IL1RAPL2: variants seen among roughly 807,000 people sequenced by gnomAD.
IL1RAPL2 encodes X-linked interleukin-1 receptor accessory protein-like 2.
IL1RAPL2 carries 3 observed loss-of-function variants against 44.1 expected under a neutral mutation model. The ratio of observed to expected loss-of-function variants is 0.07; its 90% confidence interval spans 0.03 to 0.18. The LOEUF (loss-of-function observed/expected upper bound fraction) is 0.18. Among genes scored for constraint, IL1RAPL2 ranks in the 10% least tolerant of loss-of-function variants. The pLI is 1.00. For synonymous variants in IL1RAPL2, 181 were observed against 178.8 expected, an observed-to-expected ratio of 1.01 and a Z score of -0.10; for missense variants, 391 against 496.4, an observed-to-expected ratio of 0.79 and a Z score of 2.02.
chrX:105,249,415 A>C (rs4645683), intron 4 of IL1RAPL2, among the ~76,000 whole-genome samples: 1 of 111,261 alleles, frequency 9.0e-6, no homozygotes, highest in African/African-American at 3.3e-5. Flanking sequence ...GGAAAAATGA[A>C]TAATACTTAG....
chrX:105,662,800 G>T (rs1431606949), intron 6 of IL1RAPL2, among the ~76,000 whole-genome samples: 3 of 111,780 alleles, frequency 2.7e-5, no homozygotes, highest in African/African-American at 9.8e-5. Context: ...CCATGTAAGT[G>T]AGCCATCTTG....
chrX:105,393,440 A>T (rs1446096334), intron 5 of IL1RAPL2, among the ~76,000 whole-genome samples: 1 of 111,648 alleles, frequency 9.0e-6, no homozygotes, highest in Admixed American at 9.5e-5. Flanking sequence ...GACCTTCAGA[A>T]CAATGGCTTG....
At chrX:104,897,078 C>T (rs1311532517) in intron 2 of IL1RAPL2, among the ~76,000 whole-genome samples, 2 of 112,025 alleles carry the variant, frequency 1.8e-5, no homozygotes, top group East Asian at 5.6e-4. Flanking sequence ...CAGCTTCGTT[C>T]TCGAAGTCAG....
chrX:105,253,889 T>G (rs1386541871), intron 4 of IL1RAPL2, among the ~76,000 whole-genome samples: 1 of 112,056 alleles, frequency 8.9e-6, no homozygotes, highest in African/African-American at 3.2e-5. Flanking sequence ...TGTCATTCTT[T>G]TTTATGTCTG....
intron 2 of IL1RAPL2, among the ~76,000 whole-genome samples, chrX:105,062,218 A>G (rs1017078395): frequency 9.0e-6 from 1 of 111,316 alleles, no homozygotes; most frequent in Non-Finnish European, 1.9e-5. Context: ...ATTTGAGGCT[A>G]CCATAAGACT....
At chrX:105,665,928 A>AATTTTTTGT (rs2147850026) in intron 6 of IL1RAPL2, among the ~76,000 whole-genome samples, 1 of 106,702 alleles carries the variant, frequency 9.4e-6, no homozygotes, top group East Asian at 2.9e-4. Context: ...ACGCCCGGCT[A>AATTTTTTGT]ATTTTTTGTA....
At chrX:104,780,806 A>G (rs984619375) in intron 2 of IL1RAPL2, among the ~76,000 whole-genome samples, 2 of 111,524 alleles carry the variant, frequency 1.8e-5, no homozygotes, top group African/African-American at 6.5e-5. Flanking sequence ...TATTTTGGAA[A>G]CTATTTACCT....
chrX:105,028,635 T>A (rs2031420166), intron 2 of IL1RAPL2, among the ~76,000 whole-genome samples: 1 of 110,660 alleles, frequency 9.0e-6, no homozygotes, highest in Non-Finnish European at 1.9e-5. Flanking sequence ...CTGGAGTGAG[T>A]CAGTGTAGAG....
At chrX:104,735,891 C>T (rs1294667272) in intron 2 of IL1RAPL2, among the ~76,000 whole-genome samples, 1 of 111,556 alleles carries the variant, frequency 9.0e-6, no homozygotes, top group African/African-American at 3.3e-5. Flanking sequence ...GATTTGTGCT[C>T]TCTGCACTAA....
chrX:105,361,878 T>C (rs1443886001), intron 5 of IL1RAPL2, among the ~76,000 whole-genome samples: 1 of 111,877 alleles, frequency 8.9e-6, no homozygotes, highest in Non-Finnish European at 1.9e-5. Context: ...TGTAGAAACC[T>C]GTATTGGCTT....
In IL1RAPL2 at chrX:105,632,057, C is replaced by CT. The variant is rs927024850; in HGVS notation, c.773-85300dup. On this transcript the variant is annotated intron_variant, in intron 6 of 10. Coordinates refer to ENST00000372582, the MANE Select transcript of IL1RAPL2 (RefSeq NM_017416.2). The stretch of plus-strand genomic sequence containing the variant: ...CCCCAGTCCTCTCTTATTCCTTTCC[C>CT]TTTTTTTTTTCTTTTCTGCCTATGC... Among the ~76,000 whole-genome samples the CT allele has an allele frequency of 1.7e-3, 184 of 106,532 alleles. No individual in the cohort carries two copies. The East Asian group carries it at 0.021, about 12-fold the overall frequency. 92.5% of individuals were successfully genotyped at this position (106,532 alleles called of 115,157 possible). A position where few individuals can be genotyped will look rare whatever the true frequency, so the allele number is the denominator to read the frequency against.
At chrX:105,708,607 T>C (rs1490614517) in intron 6 of IL1RAPL2, among the ~76,000 whole-genome samples, 1 of 111,567 alleles carries the variant, frequency 9.0e-6, no homozygotes, top group African/African-American at 3.3e-5. Context: ...ATGACAAAGG[T>C]GACCTCTTTT....
intron 5 of IL1RAPL2, among the ~76,000 whole-genome samples, chrX:105,334,262 A>G (rs182942746): frequency 8.9e-6 from 1 of 112,117 alleles, no homozygotes; most frequent in East Asian, 2.8e-4. Context: ...AGCCAGGCAC[A>G]AAAAGACAGC....
At chrX:104,579,013 AAG>A (rs1417586605) in intron 1 of IL1RAPL2, among the ~76,000 whole-genome samples, 3 of 112,077 alleles carry the variant, frequency 2.7e-5, no homozygotes, top group African/African-American at 6.5e-5. Flanking sequence ...AATATTGACT[AAG>A]AAGCAGAAAT....
chrX:104,732,095 A>G (rs1379528130), intron 2 of IL1RAPL2, among the ~76,000 whole-genome samples: 1 of 112,043 alleles, frequency 8.9e-6, no homozygotes, highest in Non-Finnish European at 1.9e-5. Flanking sequence ...GGGAAATTAG[A>G]AAATATTTAG....
chrX:105,137,024 T>C (rs2033082222), intron 2 of IL1RAPL2, among the ~76,000 whole-genome samples: 1 of 111,700 alleles, frequency 9.0e-6, no homozygotes, highest in Non-Finnish European at 1.9e-5. Context: ...AGGAATGTGG[T>C]ATCTGAGTCA....
At chrX:104,625,575 T>A (rs1929488523) in intron 1 of IL1RAPL2, among the ~76,000 whole-genome samples, 2 of 111,940 alleles carry the variant, frequency 1.8e-5, no homozygotes, top group Admixed American at 9.6e-5. Context: ...TCTCCTTTCC[T>A]TGTCTATCTG....
intron 5 of IL1RAPL2, among the ~76,000 whole-genome samples, chrX:105,435,842 T>C (rs1437972781): frequency 9.0e-6 from 1 of 110,623 alleles, no homozygotes; most frequent in Admixed American, 9.7e-5. Context: ...AATTGAACAA[T>C]TAGAATACGT....
intron 7 of IL1RAPL2, among the ~76,000 whole-genome samples, chrX:105,726,156 AAAT>A (rs566154849): frequency 2.2e-4 from 25 of 111,873 alleles, no homozygotes; most frequent in African/African-American, 4.2e-4. Context: ...TATAATTAGT[AAAT>A]AATAATAATA....
Sources: allele counts gnomAD v4.1 joint callset (sites outside exome capture counted in the v4.1 genomes callset), GRCh38; gene constraint gnomAD v4.1.1; transcripts MANE v1.5; gene names NCBI Gene and HGNC (gene_info 2026-07-23, HGNC 2026-07-21).